The following CAMTA1 variants were observed in gnomAD, a reference collection of about 807,000 sequenced individuals.
CAMTA1 encodes the protein calmodulin binding transcription activator 1, also known as calmodulin-binding transcription activator 1.
In CAMTA1, 27 loss-of-function variants were observed where a neutral mutation model predicts 170.9. The observed-to-expected ratio is 0.16, with a 90% CI of 0.12 to 0.22. The LOEUF (loss-of-function observed/expected upper bound fraction) is 0.22. CAMTA1 is among the 10% of genes least tolerant of loss of function. CAMTA1 has a pLI of 1.00. For missense variants in CAMTA1, 1,619 were observed against 2,217.2 expected (o/e 0.73, Z 5.42); for synonymous variants, 833 against 891.5 (o/e 0.93, Z 1.17).
chr1:7,223,467 A>G (rs1661181604), intron 4 of CAMTA1, among the ~76,000 whole-genome samples: 1 of 152,050 alleles, frequency 6.6e-6, no homozygotes, highest in Non-Finnish European at 1.5e-5. Context: ...GTCACCTAAC[A>G]GGGTCCTGAG....
intron 4 of CAMTA1, among the ~76,000 whole-genome samples, chr1:7,241,543 CA>C (rs1240317036): frequency 2.6e-5 from 4 of 152,090 alleles, no homozygotes; most frequent in Non-Finnish European, 5.9e-5. Context: ...TCCCGGATTT[CA>C]AAACTTATTA....
chr1:7,344,704 C>G (rs1179068903), intron 5 of CAMTA1, among the ~76,000 whole-genome samples: 2 of 152,000 alleles, frequency 1.3e-5, no homozygotes. Flanking sequence ...GGCCCCTCTT[C>G]CTGCAATTAT....
Position 7,044,807 on chromosome 1 carries a change from C to A in CAMTA1, c.235-46497C>A, listed in dbSNP as rs571103070. ...TCTTTCCCCCTCACGTCCTCTCCCC[C>A]ACTCCCTCCTCTTCCCGCCTGTGGT... On this transcript the variant is annotated intron_variant, in intron 3 of 22. Transcript: ENST00000303635. The surrounding 1 kb of genome is among the most constrained non-coding windows in gnomAD (Gnocchi z 5.0). 4.0e-5 allele frequency among the ~76,000 whole-genome samples: 6 copies of A among 151,300 alleles called. No homozygotes were observed. The South Asian group carries it at 1.3e-3, about 32-fold the overall frequency.
At chr1:7,165,477 G>A (rs1010423500) in intron 4 of CAMTA1, among the ~76,000 whole-genome samples, 3 of 152,054 alleles carry the variant, frequency 2.0e-5, no homozygotes, top group South Asian at 2.1e-4. Context: ...TGTCACCCAG[G>A]CTGGAGTGCA....
intron 3 of CAMTA1, among the ~76,000 whole-genome samples, chr1:6,838,644 ATATT>A (rs150120606): frequency 0.014 from 2,081 of 152,126 alleles, 42 homozygotes; most frequent in African/African-American, 0.047. Context: ...CATTTTTTCT[ATATT>A]TATTAACCCA....
At chr1:7,453,829 T>G (rs1385443844) in intron 5 of CAMTA1, among the ~76,000 whole-genome samples, 1 of 152,198 alleles carries the variant, frequency 6.6e-6, no homozygotes, top group Admixed American at 6.5e-5. Flanking sequence ...GTTCCCACTT[T>G]CCTTGGAGCT....
At position 7,339,582 on chromosome 1, in the gene CAMTA1, T is replaced by G. The variant is rs567040171; in HGVS notation, c.438+89956T>G. Reference sequence around the variant, plus strand: ...CTGATCTCACTCTGTTTTGTTTGTTTGTTTGTTGGTTGTTTTTTTGTTTTT... The same window carrying G: ...CTGATCTCACTCTGTTTTGTTTGTTGGTTTGTTGGTTGTTTTTTTGTTTTT... On this transcript the variant is annotated intron_variant, in intron 5 of 22. Coordinates refer to ENST00000303635, the MANE Select transcript of CAMTA1 (RefSeq NM_015215.4). Among the ~76,000 whole-genome samples, 12 of 152,174 alleles carry G rather than the reference T, an allele frequency of 7.9e-5. 2 individuals are homozygous for G. The highest frequency in any genetic ancestry group is 3.9e-4 in the East Asian group (2 of 5,166).
At chr1:7,326,353 C>T (rs182280077) in intron 5 of CAMTA1, among the ~76,000 whole-genome samples, 1 of 152,332 alleles carries the variant, frequency 6.6e-6, no homozygotes, top group Admixed American at 6.5e-5. Flanking sequence ...ACGTCATCAG[C>T]AGGGAAGTGG....
intron 9 of CAMTA1, among the ~76,000 whole-genome samples, chr1:7,670,127 A>G (rs1283921833): frequency 6.6e-6 from 1 of 152,160 alleles, no homozygotes; most frequent in Non-Finnish European, 1.5e-5. Flanking sequence ...GGCTGCTCCC[A>G]GCCAGGCTGC....
chr1:7,541,022 C>G (rs1364208847), intron 6 of CAMTA1, among the ~76,000 whole-genome samples: 1 of 152,212 alleles, frequency 6.6e-6, no homozygotes, highest in Non-Finnish European at 1.5e-5. Context: ...AGGGTCCCTC[C>G]GCACACTGGC....
At chr1:7,199,086 G>T (rs1278976755) in intron 4 of CAMTA1, among the ~76,000 whole-genome samples, 1 of 152,196 alleles carries the variant, frequency 6.6e-6, no homozygotes, top group South Asian at 2.1e-4. Flanking sequence ...AGCGCCTGGA[G>T]GTTTGCGCGG....
intron 6 of CAMTA1, among the ~76,000 whole-genome samples, chr1:7,546,334 C>T (rs1324718711): frequency 6.6e-6 from 1 of 152,190 alleles, no homozygotes; most frequent in African/African-American, 2.4e-5. Flanking sequence ...TACATGTTCT[C>T]ATTCCTTTTT....
At chr1:6,883,152 C>A (rs1013233447) in intron 3 of CAMTA1, among the ~76,000 whole-genome samples, 1 of 152,068 alleles carries the variant, frequency 6.6e-6, no homozygotes, top group African/African-American at 2.4e-5. Flanking sequence ...CCTTGGCCTC[C>A]CAAAATGCTG....
At chr1:7,158,489 A>C (rs1428291495) in intron 4 of CAMTA1, among the ~76,000 whole-genome samples, 1 of 152,206 alleles carries the variant, frequency 6.6e-6, no homozygotes, top group Non-Finnish European at 1.5e-5. Flanking sequence ...AGATCCATGC[A>C]TTTCACTCTG....
chr1:7,687,356 G>A (rs1275053125), intron 11 of CAMTA1, among the ~76,000 whole-genome samples: 2 of 152,052 alleles, frequency 1.3e-5, no homozygotes, highest in Non-Finnish European at 2.9e-5. Context: ...ATGCCAAGCA[G>A]GGAGCTGGGT....
chr1:7,510,339 C>G (rs1331293016), intron 6 of CAMTA1, among the ~76,000 whole-genome samples: 1 of 144,978 alleles, frequency 6.9e-6, no homozygotes, highest in East Asian at 2.2e-4. Context: ...TTTTGTTCAG[C>G]GATTCCCAGG....
At chr1:7,756,690 G>C (rs2096933677) in intron 22 of CAMTA1, among the ~76,000 whole-genome samples, 1 of 151,660 alleles carries the variant, frequency 6.6e-6, no homozygotes, top group South Asian at 2.1e-4. Flanking sequence ...CTCTACAAAA[G>C]ATAAAAAATT....
At chr1:6,795,624 T>A (rs553371120) in intron 1 of CAMTA1, among the ~76,000 whole-genome samples, 1 of 152,322 alleles carries the variant, frequency 6.6e-6, no homozygotes, top group African/African-American at 2.4e-5. Flanking sequence ...AGCTTTTCTC[T>A]TTTTTTCTCC....
intron 4 of CAMTA1, among the ~76,000 whole-genome samples, chr1:7,103,590 A>G (rs935093307): frequency 5.4e-5 from 8 of 149,238 alleles, no homozygotes; most frequent in African/African-American, 2.0e-4. Flanking sequence ...ACATGTACAC[A>G]CAACACACAT....
Sources: allele counts gnomAD v4.1 joint callset (sites outside exome capture counted in the v4.1 genomes callset), GRCh38; gene constraint gnomAD v4.1.1; non-coding constraint Gnocchi (gnomAD v3.1); transcripts MANE v1.5; gene names NCBI Gene and HGNC (gene_info 2026-07-23, HGNC 2026-07-21).